Variants in WRAP53 observed in about 807,000 individuals in gnomAD.
WRAP53 encodes telomerase Cajal body protein 1.
A neutral mutation model predicts 56.6 loss-of-function variants in WRAP53; 28 were observed. That is an observed-to-expected ratio of 0.50 (90% CI 0.37 to 0.68). The LOEUF is 0.68. WRAP53 is among the 30% of genes least tolerant of loss of function. The probability of loss-of-function intolerance (pLI) is 0.00; values close to 1 mark genes in which losing one functional copy is unlikely to be tolerated. For synonymous variants in WRAP53, 283 were observed against 283.4 expected, an observed-to-expected ratio of 1.00 and a Z score of 0.01; for missense variants, 671 against 715.5, an observed-to-expected ratio of 0.94 and a Z score of 0.71.
chr17:7,699,467 T>A (rs1171400451), intron 4 of WRAP53, among the ~76,000 whole-genome samples: 13 of 10,372 alleles, frequency 1.3e-3, no homozygotes, highest in Non-Finnish European at 1.5e-3. Context: ...TTTATATATA[T>A]ATATATATTT....
At position 7,689,600 on chromosome 17, in the gene WRAP53, G is replaced by C. The variant is rs1463383810; in HGVS notation, c.541G>C (p.Gly181Arg). 1.2e-6 allele frequency: 2 copies of C among 1,614,038 alleles called. No individual in the cohort carries two copies. Among genetic ancestry groups the C allele is most frequent in the South Asian group, 1.1e-5 (1 of 91,058 alleles). Residue 181 changes from glycine to arginine, a missense_variant, in exon 4 of 11, where the codon GGT (glycine) becomes CGT (arginine). Physicochemically the swap from Gly to Arg is moderately radical, Grantham distance 125. This residue lies in a region of WRAP53 where 406 missense variants were observed against 418.5 expected (regional missense o/e 0.97). Coordinates refer to ENST00000396463, the MANE Select transcript of WRAP53 (RefSeq NM_001143992.2). ...FLKGCKWAPD[G>R]SCILTNSADN... ...CTCCCCTGTTTCTAGGGCTCCTGAC[G>C]GTTCCTGCATCTTGACCAATAGTGC...
At chr17:7,700,923 G>T (rs2074265368) in intron 5 of WRAP53, 94 bp downstream of exon 5, 1 of 939,906 alleles carries the variant, frequency 1.1e-6, no homozygotes, top group African/African-American at 1.6e-5. Flanking sequence ...GTCTTTGGAG[G>T]AGGAAGGCTT....
chr17:7,699,502 T>TTTTATATATA (rs1555530501), intron 4 of WRAP53, among the ~76,000 whole-genome samples: 1 of 11,758 alleles, frequency 8.5e-5, no homozygotes, highest in Non-Finnish European at 1.3e-4. Context: ...ATATATATAT[T>TTTTATATATA]TATATATATA....
At chr17:7,700,956 G>A (rs2074265639) in intron 5 of WRAP53, 127 bp downstream of exon 5, 1 of 733,834 alleles carries the variant, frequency 1.4e-6, no homozygotes, top group Non-Finnish European at 2.5e-6. Context: ...AGAGGGGCTG[G>A]TCAGTTGGCT....
chr17:7,696,329 T>C (rs910541525), intron 4 of WRAP53, among the ~76,000 whole-genome samples: 9 of 143,696 alleles, frequency 6.3e-5, no homozygotes, highest in Admixed American at 2.8e-4. Flanking sequence ...AATGGAGTCT[T>C]GCTCTGTCGC....
chr17:7,699,476 T>TTATATATATATATATA (rs1299417199), intron 4 of WRAP53, among the ~76,000 whole-genome samples: 5 of 11,396 alleles, frequency 4.4e-4, no homozygotes, highest in South Asian at 3.4e-3. Context: ...ATATATATAT[T>TTATATATATATATATA]TATATATATA....
At position 7,703,472 on chromosome 17, in the gene WRAP53, G is replaced by C; in HGVS notation, c.1633G>C (p.Gly545Arg). ...KGQGGTEGGV[G>R]ELI is the part of the protein sequence containing the mutation. The stretch of plus-strand genomic sequence containing the variant: ...GCAGGGAGGAACGGAGGGAGGTGTG[G>C]GTGAGCTGATATAAAAAGGTTTTTA... Residue 545 changes from glycine (G) to arginine (R), a missense_variant, in exon 11 of 11, where the codon GGT becomes CGT. Physicochemically the swap from Gly to Arg is moderately radical, Grantham distance 125 (BLOSUM62 -2). Around this residue, in one of 3 missense-constraint regions of WRAP53, gnomAD observed 107 missense variants for 81.3 expected, o/e 1.32. Transcript: ENST00000396463. 1.2e-6 allele frequency: 2 copies of C among 1,613,586 alleles called. No homozygotes were observed. The highest frequency in any genetic ancestry group is 1.7e-6 in the Non-Finnish European group (2 of 1,179,944).
intron 4 of WRAP53, among the ~76,000 whole-genome samples, chr17:7,694,199 T>C (rs1005350550): frequency 6.6e-6 from 1 of 151,954 alleles, no homozygotes; most frequent in Non-Finnish European, 1.5e-5. Context: ...TTAAAAAATA[T>C]ATCTTGCAAT....
chr17:7,687,321 C>T, upstream of WRAP53: 1 of 398,360 alleles, frequency 2.5e-6, no homozygotes, highest in Non-Finnish European at 4.4e-6. Flanking sequence ...TGAAAATACA[C>T]GGAGCCGAGA....
intron 4 of WRAP53, among the ~76,000 whole-genome samples, chr17:7,692,347 C>G (rs567376502): frequency 6.6e-6 from 1 of 151,242 alleles, no homozygotes; most frequent in East Asian, 2.0e-4. Context: ...GGGCTGGGTG[C>G]GGTGGCTGAC....
intron 4 of WRAP53, among the ~76,000 whole-genome samples, chr17:7,696,541 G>A (rs12939581): frequency 0.17 from 25,228 of 151,932 alleles, 2,786 homozygotes; most frequent in East Asian, 0.31. Context: ...CTTGTGATCC[G>A]CCCGCCTTGG....
chr17:7,698,488 T>C (rs534866851), intron 4 of WRAP53, among the ~76,000 whole-genome samples: 21 of 152,282 alleles, frequency 1.4e-4, no homozygotes, highest in African/African-American at 4.6e-4. Flanking sequence ...TCCCAGTGCA[T>C]TGAAAGGCTG....
At chr17:7,695,673 T>G (rs995206088) in intron 4 of WRAP53, among the ~76,000 whole-genome samples, 2 of 152,074 alleles carry the variant, frequency 1.3e-5, no homozygotes, top group South Asian at 2.1e-4. Context: ...CTTCCGGTGC[T>G]CTCCTGTTCG....
rs2074265480 is a variant in WRAP53, at chr17:7,700,949, G to C, written c.731+120G>C. The stretch of plus-strand genomic sequence containing the variant: ...AGGAAGGCTTGGCATGCTTATCAGA[G>C]GGGCTGGTCAGTTGGCTTCCTCCCC... On this transcript the variant is annotated intron_variant, in intron 5 of 10. Transcript: ENST00000396463. The C allele has an allele frequency of 6.5e-6, 5 of 767,574 alleles. No homozygotes were observed. In the African/African-American group the frequency reaches 6.9e-5, roughly 11 times the overall value. The allele number at this position is 767,574 out of a possible 1,614,324, so 47.5% of individuals were successfully genotyped here.
chr17:7,691,021 C>A (rs1000133688), intron 4 of WRAP53, among the ~76,000 whole-genome samples: 1 of 152,042 alleles, frequency 6.6e-6, no homozygotes, highest in African/African-American at 2.4e-5. Flanking sequence ...ACCAGCCTGG[C>A]CAACATGGCA....
At chr17:7,700,708 G>C (rs1485830469) in intron 4 of WRAP53, 33 bp from the exon 5 acceptor site, 1 of 1,539,784 alleles carries the variant, frequency 6.5e-7, no homozygotes, top group African/African-American at 1.4e-5. Flanking sequence ...TTTTCCCTCC[G>C]AGTGACTCAG....
upstream of WRAP53, chr17:7,686,225 G>A (rs1472903058): frequency 6.6e-6 from 1 of 152,180 alleles, no homozygotes; most frequent in Non-Finnish European, 1.5e-5. Flanking sequence ...TAGATAACAG[G>A]TAGATTGTTT....
intron 4 of WRAP53, among the ~76,000 whole-genome samples, chr17:7,699,624 T>C (rs2074248788): frequency 6.9e-6 from 1 of 145,046 alleles, no homozygotes; most frequent in Admixed American, 7.1e-5. Context: ...GGTTTAAACA[T>C]ATCTTTTTGT....
rs1369139800 is a variant in WRAP53, at chr17:7,702,502, C to T, written c.1114C>T (p.His372Tyr). The T allele has an allele frequency of 6.2e-7, 1 of 1,613,508 alleles. No homozygotes were observed. Among genetic ancestry groups the T allele is most frequent in the East Asian group, 2.2e-5 (1 of 44,870 alleles). Residue 372 changes from histidine to tyrosine, a missense_variant, in exon 8 of 11, where the codon CAC becomes TAC. Physicochemically the swap from His to Tyr is moderately conservative, Grantham distance 83 (BLOSUM62 2). Around this residue, in one of 3 missense-constraint regions of WRAP53, gnomAD observed 158 missense variants for 215.7 expected, o/e 0.73. Transcript: ENST00000396463. This position sits in a 1 kb window ranked among gnomAD's most constrained non-coding sequence, Gnocchi z 5.0. Reference sequence around the variant, plus strand: ...GGGAGGGCACCAAGGGGGCATCACCCACCTCTGCTTTCATCCCGATGGCAA... The same window carrying T: ...GGGAGGGCACCAAGGGGGCATCACCTACCTCTGCTTTCATCCCGATGGCAA... Reference protein sequence around the residue: ...LLGGHQGGITHLCFHPDGNRF... With the variant: ...LLGGHQGGITYLCFHPDGNRF...
Sources: allele counts gnomAD v4.1 joint callset (sites outside exome capture counted in the v4.1 genomes callset), GRCh38; gene constraint gnomAD v4.1.1; regional missense constraint gnomAD v4.1.1; non-coding constraint Gnocchi (gnomAD v3.1); transcripts MANE v1.5; gene names NCBI Gene and HGNC (gene_info 2026-07-23, HGNC 2026-07-21).